The following DEPTOR variants were observed in gnomAD, a reference collection of about 807,000 sequenced individuals.
DEPTOR encodes the protein DEP domain containing MTOR interacting protein.
A neutral mutation model predicts 41.6 loss-of-function variants in DEPTOR; 41 were observed. That is an observed-to-expected ratio of 0.98 (90% CI 0.77 to 1.28). The LOEUF (loss-of-function observed/expected upper bound fraction) is 1.28, where lower values mean the gene tolerates loss of function less well. Among genes scored for constraint, DEPTOR ranks in the 50% most tolerant of loss-of-function variants. DEPTOR has a pLI of 0.00. For missense variants in DEPTOR, 514 were observed against 527.9 expected (o/e 0.97, Z 0.26); for synonymous variants, 195 against 192.3 (o/e 1.01, Z -0.12).
Position 120,005,610 on chromosome 8 carries a change from G to A in DEPTOR, c.926-1195G>A, listed in dbSNP as rs144085296. On this transcript the variant is annotated intron_variant, in intron 6 of 8. Transcript: ENST00000286234. ...CCTCACCAGGTTAGGCCCCTTGGCTGGGGCCTTTTCTGTTTCTCTGTGGCA... is the reference window on the plus strand; with the variant it reads ...CCTCACCAGGTTAGGCCCCTTGGCTAGGGCCTTTTCTGTTTCTCTGTGGCA... Among the ~76,000 whole-genome samples the A allele has an allele frequency of 2.6e-4, 40 of 152,308 alleles. No homozygotes were observed. The East Asian group carries it at 6.0e-3, about 23-fold the overall frequency.
chr8:119,938,026 A>G (rs1300653008), intron 3 of DEPTOR, among the ~76,000 whole-genome samples: 1 of 152,222 alleles, frequency 6.6e-6, no homozygotes, highest in African/African-American at 2.4e-5. Context: ...TGTTCACTTT[A>G]CAAAAATTCT....
intron 8 of DEPTOR, among the ~76,000 whole-genome samples, chr8:120,039,372 G>A (rs188478999): frequency 1.4e-4 from 22 of 152,286 alleles, no homozygotes; most frequent in Middle Eastern, 6.8e-3. Flanking sequence ...CCAAACAGAC[G>A]AAGACATGGA....
At chr8:120,007,422 C>T (rs945447884) in intron 7 of DEPTOR, among the ~76,000 whole-genome samples, 14 of 152,024 alleles carry the variant, frequency 9.2e-5, no homozygotes, top group Middle Eastern at 3.2e-3. Flanking sequence ...TTGAGGTACA[C>T]GAGCCTCTGA....
chr8:120,046,402 G>A (rs1425231481), intron 8 of DEPTOR, among the ~76,000 whole-genome samples: 1 of 149,322 alleles, frequency 6.7e-6, no homozygotes, highest in African/African-American at 2.5e-5. Context: ...TCTACTTGCT[G>A]TCTCTGTGGA....
At chr8:119,970,746 C>T (rs138063455) in intron 4 of DEPTOR, among the ~76,000 whole-genome samples, 3 of 152,270 alleles carry the variant, frequency 2.0e-5, no homozygotes, top group East Asian at 3.9e-4. Flanking sequence ...AAAGGATACA[C>T]AGCAGGGTCA....
intron 1 of DEPTOR, among the ~76,000 whole-genome samples, chr8:119,891,630 A>G (rs991409353): frequency 3.9e-5 from 6 of 152,270 alleles, no homozygotes; most frequent in African/African-American, 1.2e-4. Context: ...CTTGGAAGAT[A>G]TGCCTGTCCC....
chr8:119,991,086 CTT>C (rs3029216), intron 4 of DEPTOR, among the ~76,000 whole-genome samples: 55,843 of 106,836 alleles, frequency 0.52, 13,188 homozygotes, highest in East Asian at 0.65. Flanking sequence ...TTCTTTCTTT[CTT>C]TTTCTTTCTT....
intron 8 of DEPTOR, among the ~76,000 whole-genome samples, chr8:120,037,160 C>A (rs967691864): frequency 6.6e-6 from 1 of 152,112 alleles, no homozygotes; most frequent in Non-Finnish European, 1.5e-5. Context: ...AGGGATTGTG[C>A]ATGGGGAAGG....
chr8:119,939,148 T>G (rs1828168079), intron 3 of DEPTOR, among the ~76,000 whole-genome samples: 1 of 152,246 alleles, frequency 6.6e-6, no homozygotes, highest in African/African-American at 2.4e-5. Flanking sequence ...GTATAATTTC[T>G]CTATGTAAAC....
At chr8:119,882,997 GAT>G (rs1827317905) in intron 1 of DEPTOR, among the ~76,000 whole-genome samples, 1 of 152,182 alleles carries the variant, frequency 6.6e-6, no homozygotes, top group Non-Finnish European at 1.5e-5. Context: ...ACATCGTGAA[GAT>G]GGAGTTGGGG....
In DEPTOR at chr8:119,925,323, G is replaced by A. The variant is rs1469061919; in HGVS notation, c.123-3077G>A. ...GAGAATTACTTGAACATGGGAGGTG[G>A]AGACTGCAGTGAGCCGAGATTGCAC... On this transcript the variant is annotated intron_variant, in intron 1 of 8. Coordinates refer to ENST00000286234, the MANE Select transcript of DEPTOR (RefSeq NM_022783.4). 4.6e-5 allele frequency among the ~76,000 whole-genome samples: 7 copies of A among 152,176 alleles called. No individual in the cohort carries two copies. In the South Asian group the frequency reaches 1.5e-3, roughly 32 times the overall value.
At chr8:119,930,009 A>G (rs974192756) in intron 3 of DEPTOR, 71 bp downstream of exon 3, 2 of 1,508,844 alleles carry the variant, frequency 1.3e-6, no homozygotes, top group African/African-American at 1.4e-5. Flanking sequence ...CAGTCTCATT[A>G]TGTTGATTTC....
chr8:120,012,815 G>A (rs887204723), intron 8 of DEPTOR, among the ~76,000 whole-genome samples: 10 of 151,400 alleles, frequency 6.6e-5, no homozygotes, highest in East Asian at 2.0e-4. Context: ...GATTACAAGC[G>A]TGAGCCACCA....
chr8:119,909,645 C>A (rs1358006021), intron 1 of DEPTOR, among the ~76,000 whole-genome samples: 2 of 152,216 alleles, frequency 1.3e-5, no homozygotes, highest in African/African-American at 4.8e-5. Context: ...TAAATATGCT[C>A]TTTCAAATAT....
At chr8:119,874,076 G>A (rs1827200259) in intron 1 of DEPTOR, 108 bp downstream of exon 1, 15 of 1,557,968 alleles carry the variant, frequency 9.6e-6, no homozygotes, top group Non-Finnish European at 1.3e-5. Flanking sequence ...ACTCGCGTGG[G>A]GCGCCGGAAC....
intron 3 of DEPTOR, among the ~76,000 whole-genome samples, chr8:119,933,197 A>G (rs753719738): frequency 6.6e-6 from 1 of 152,000 alleles, no homozygotes; most frequent in Non-Finnish European, 1.5e-5. Context: ...GTTAATTGTG[A>G]AGGTGGCTCA....
At chr8:119,975,039 A>C (rs555536174) in intron 4 of DEPTOR, among the ~76,000 whole-genome samples, 83 of 152,068 alleles carry the variant, frequency 5.5e-4, no homozygotes, top group African/African-American at 1.9e-3. Flanking sequence ...GGTGGCTCAC[A>C]CTTGTAATCC....
At chr8:119,909,524 G>A (rs1827709661) in intron 1 of DEPTOR, among the ~76,000 whole-genome samples, 2 of 152,222 alleles carry the variant, frequency 1.3e-5, no homozygotes, top group Admixed American at 6.5e-5. Context: ...AAGTTACAGA[G>A]AGAAAACAGA....
chr8:119,947,976 T>C (rs1828304298), intron 3 of DEPTOR, among the ~76,000 whole-genome samples: 1 of 152,172 alleles, frequency 6.6e-6, no homozygotes. Context: ...GCACCATGCA[T>C]TTGTACTTGC....
Sources: allele counts gnomAD v4.1 joint callset (sites outside exome capture counted in the v4.1 genomes callset), GRCh38; gene constraint gnomAD v4.1.1; transcripts MANE v1.5; gene names NCBI Gene and HGNC (gene_info 2026-07-23, HGNC 2026-07-21).